CACNA2D2: variants seen among roughly 807,000 people sequenced by gnomAD.
CACNA2D2 encodes calcium voltage-gated channel auxiliary subunit alpha2delta 2.
A neutral mutation model predicts 166.4 loss-of-function variants in CACNA2D2; 48 were observed. The ratio of observed to expected loss-of-function variants is 0.29; its 90% CI spans 0.23 to 0.37. CACNA2D2 has a LOEUF of 0.37. CACNA2D2 is among the 10% of genes least tolerant of loss of function. CACNA2D2 has a pLI of 1.00. For missense variants in CACNA2D2, 1,122 were observed against 1,433.0 expected (o/e 0.78, Z 3.50); for synonymous variants, 561 against 573.7 (o/e 0.98, Z 0.32).
chr3:50,439,521 G>A (rs1369592918), intron 2 of CACNA2D2, among the ~76,000 whole-genome samples: 2 of 152,350 alleles, frequency 1.3e-5, no homozygotes, highest in Middle Eastern at 3.4e-3. Flanking sequence ...CCTGAGCCCC[G>A]AGGCATGACT....
intron 2 of CACNA2D2, among the ~76,000 whole-genome samples, chr3:50,441,170 A>C (rs1708578169): frequency 6.6e-6 from 1 of 152,004 alleles, no homozygotes; most frequent in Admixed American, 6.6e-5. Flanking sequence ...ACAAGGTGAG[A>C]AAGGCCTGGC....
rs1055124817 is a variant in CACNA2D2, at chr3:50,365,260, G to T, written c.3099-76C>A. The T allele has an allele frequency of 9.2e-6, 3 of 327,684 alleles. No individual in the cohort carries two copies. The highest frequency in any genetic ancestry group is 1.6e-4 in the African/African-American group (2 of 12,160). 20.3% of individuals were successfully genotyped at this position (327,684 alleles called of 1,614,324 possible). A position where few individuals can be genotyped will look rare whatever the true frequency, so the allele number is the denominator to read the frequency against. On this transcript the variant is annotated intron_variant, in intron 35 of 37. Coordinates refer to ENST00000424201, the MANE Select transcript of CACNA2D2 (RefSeq NM_006030.4). The surrounding 1 kb of genome is among the most constrained non-coding windows in gnomAD (Gnocchi z 4.5). Reference sequence around the variant, plus strand: ...ACCCCCATCCTGCGGCCCCGCCCCCGGCCGCTCGGAGGCCCCGCCCCTTCC... The same window carrying T: ...ACCCCCATCCTGCGGCCCCGCCCCCTGCCGCTCGGAGGCCCCGCCCCTTCC...
intron 3 of CACNA2D2, among the ~76,000 whole-genome samples, chr3:50,432,783 C>T (rs1248531065): frequency 6.6e-6 from 1 of 152,242 alleles, no homozygotes; most frequent in Non-Finnish European, 1.5e-5. Flanking sequence ...AAGAAGCAGT[C>T]TCCACCTATT....
Position 50,484,485 on chromosome 3 carries a change from C to G in CACNA2D2, c.207-8286G>C, listed in dbSNP as rs535556839. Among the ~76,000 whole-genome samples, 3 of 152,294 alleles carry G rather than the reference C, an allele frequency of 2.0e-5. No homozygotes were observed. In the East Asian group the frequency reaches 5.8e-4, roughly 29 times the overall value. On this transcript the variant is annotated intron_variant, in intron 1 of 37. Coordinates refer to ENST00000424201, the MANE Select transcript of CACNA2D2 (RefSeq NM_006030.4). ...CCCCCAGTAGCTTCCCTGACCTCAC[C>G]CCTCGGTGTGGCCTGAACATGCCCC...
intron 2 of CACNA2D2, among the ~76,000 whole-genome samples, chr3:50,472,988 C>CT (rs1246739330): frequency 6.6e-6 from 1 of 152,140 alleles, no homozygotes; most frequent in Non-Finnish European, 1.5e-5. Flanking sequence ...CTTTTGTGGC[C>CT]TATTGAGGGC....
Position 50,381,121 on chromosome 3 carries a change from C to G in CACNA2D2, c.658G>C (p.Val220Leu). ...IPTDIYKGST[V>L]ILNELNWTEA... ...GTCCAGTTGAGCTCATTGAGGATGA[C>G]AGTGGCTGGGGGGAAGCGGGGAGCT... is the stretch of plus-strand genomic sequence containing the variant. The change falls in exon 7 of 38, where the codon GTC becomes CTC. Residue 220 changes from valine to leucine, a missense_variant. Val to Leu is a conservative substitution (Grantham distance 32). Transcript: ENST00000424201. 1.2e-6 allele frequency: 2 copies of G among 1,613,640 alleles called. No individual in the cohort carries two copies. The highest frequency in any genetic ancestry group is 1.7e-6 in the Non-Finnish European group (2 of 1,179,840).
Position 50,379,171 on chromosome 3 carries a change from T to G in CACNA2D2, c.1181A>C (p.Lys394Thr). 6.2e-7 allele frequency: 1 copy of G among 1,614,020 alleles called. No homozygotes were observed. The highest frequency in any genetic ancestry group is 2.2e-5 in the East Asian group (1 of 44,884). ...ACCATCCGTGAACATCATGATCATC[T>G]TGTTGCAGTTGGCCCGAGTGATGTT... Reference protein sequence around the residue: ...NSNITRANCNKMIMMFTDGGE... With the variant: ...NSNITRANCNTMIMMFTDGGE... The change falls in exon 12 of 38, where the codon AAG (lysine) becomes ACG (threonine). Residue 394 changes from lysine to threonine, a missense_variant. Lys to Thr is a moderately conservative substitution (Grantham distance 78, BLOSUM62 -1). Coordinates refer to ENST00000424201, the MANE Select transcript of CACNA2D2 (RefSeq NM_006030.4). This position sits in a 1 kb window ranked among gnomAD's most constrained non-coding sequence, Gnocchi z 6.5.
chr3:50,399,988 C>T (rs1000590507), intron 3 of CACNA2D2, among the ~76,000 whole-genome samples: 1 of 152,156 alleles, frequency 6.6e-6, no homozygotes, highest in Non-Finnish European at 1.5e-5. Context: ...CAGCCCCTGC[C>T]TAGCCCAGCA....
chr3:50,410,489 G>T (rs940012886), intron 3 of CACNA2D2, among the ~76,000 whole-genome samples: 5 of 151,980 alleles, frequency 3.3e-5, no homozygotes, highest in Admixed American at 6.5e-5. Context: ...ATGGGGGGGG[G>T]GGTGTTGTCT....
intron 6 of CACNA2D2, among the ~76,000 whole-genome samples, chr3:50,382,480 T>G (rs1243591889): frequency 6.6e-6 from 1 of 152,248 alleles, no homozygotes; most frequent in East Asian, 1.9e-4. Flanking sequence ...GAGCCTCTGC[T>G]GCGTCCGCTG....
At chr3:50,441,961 G>A (rs953894200) in intron 2 of CACNA2D2, among the ~76,000 whole-genome samples, 2 of 152,228 alleles carry the variant, frequency 1.3e-5, no homozygotes, top group Non-Finnish European at 2.9e-5. Flanking sequence ...CCCCACCACA[G>A]GGACTATTCC....
At chr3:50,405,476 T>TA (rs1230465880) in intron 3 of CACNA2D2, among the ~76,000 whole-genome samples, 1 of 152,050 alleles carries the variant, frequency 6.6e-6, no homozygotes, top group Non-Finnish European at 1.5e-5. Context: ...GCGTCAGGGC[T>TA]GGGTTTGGGC....
At chr3:50,456,392 T>A (rs1180728701) in intron 2 of CACNA2D2, among the ~76,000 whole-genome samples, 1 of 152,182 alleles carries the variant, frequency 6.6e-6, no homozygotes, top group Non-Finnish European at 1.5e-5. Context: ...AGTGGGTCTA[T>A]CACACAGATG....
Position 50,380,653 on chromosome 3 carries a change from T to C in CACNA2D2, c.842+95A>G, listed in dbSNP as rs587765960. Reference sequence around the variant, plus strand: ...AAATTGGATACAGCTGGCTGCGCCCTGCTAGGAGGCTTGGAAATGGGGAGG... The same window carrying C: ...AAATTGGATACAGCTGGCTGCGCCCCGCTAGGAGGCTTGGAAATGGGGAGG... On this transcript the variant is annotated intron_variant, in intron 8 of 37. Coordinates refer to ENST00000424201, the MANE Select transcript of CACNA2D2 (RefSeq NM_006030.4). This position sits in a 1 kb window ranked among gnomAD's most constrained non-coding sequence, Gnocchi z 4.9. 4.8e-6 allele frequency: 5 copies of C among 1,047,856 alleles called. No homozygotes were observed. Among genetic ancestry groups the C allele is most frequent in the Non-Finnish European group, 6.8e-6 (5 of 737,824 alleles). The allele number at this position is 1,047,856 out of a possible 1,614,324, so 64.9% of individuals were successfully genotyped here.
intron 3 of CACNA2D2, among the ~76,000 whole-genome samples, chr3:50,424,147 G>T (rs992298169): frequency 6.6e-6 from 1 of 152,216 alleles, no homozygotes; most frequent in Non-Finnish European, 1.5e-5. Context: ...GTGAGTGGGG[G>T]ATGCAGCACA....
In CACNA2D2 at chr3:50,365,523, T is replaced by C. The variant is rs753890492; in HGVS notation, c.2972-41A>G. ...GCGCCTCAGCTCCGCCCACAGACCC[T>C]GGCAAGGTCTCCGGCCTCCCTCAGT... On this transcript the variant is annotated intron_variant, in intron 34 of 37. Transcript: ENST00000424201. This position sits in a 1 kb window ranked among gnomAD's most constrained non-coding sequence, Gnocchi z 4.5. 47 of 1,606,200 alleles carry C rather than the reference T, an allele frequency of 2.9e-5. No homozygotes were observed. The African/African-American group carries it at 5.5e-4, about 19-fold the overall frequency.
At chr3:50,451,627 T>C (rs1056708623) in intron 2 of CACNA2D2, among the ~76,000 whole-genome samples, 1 of 152,180 alleles carries the variant, frequency 6.6e-6, no homozygotes, top group Non-Finnish European at 1.5e-5. Flanking sequence ...ACAACTTCCA[T>C]GGGTTTTATC....
chr3:50,468,292 G>A (rs1208646884), intron 2 of CACNA2D2, among the ~76,000 whole-genome samples: 1 of 152,100 alleles, frequency 6.6e-6, no homozygotes, highest in Non-Finnish European at 1.5e-5. Flanking sequence ...AAGATGCAAG[G>A]GCTGAGTTTG....
rs1306572448 is a variant in CACNA2D2 at position 50,378,344 on chromosome 3, A to C, written c.1340-11T>G. On this transcript the variant is annotated splice_polypyrimidine_tract_variant and intron_variant, in intron 13 of 37. Coordinates refer to ENST00000424201, the MANE Select transcript of CACNA2D2 (RefSeq NM_006030.4). ...TCTCAAAATAGTAGCCTGTGAAGGA[A>C]GGAGAGGCAGAGGTGGGCCTGGCTG... 4.8e-5 allele frequency: 74 copies of C among 1,551,354 alleles called. No individual in the cohort carries two copies. The highest frequency in any genetic ancestry group is 6.3e-5 in the Non-Finnish European group (72 of 1,147,046).
Sources: allele counts gnomAD v4.1 joint callset (sites outside exome capture counted in the v4.1 genomes callset), GRCh38; gene constraint gnomAD v4.1.1; non-coding constraint Gnocchi (gnomAD v3.1); transcripts MANE v1.5; gene names NCBI Gene and HGNC (gene_info 2026-07-23, HGNC 2026-07-21).